Variants in ZNF280D observed in about 807,000 individuals in gnomAD.
ZNF280D encodes suppressor of hairy wing homolog 4.
ZNF280D carries 39 observed loss-of-function variants against 94.7 expected under a neutral mutation model. The observed-to-expected ratio is 0.41, with a 90% CI of 0.32 to 0.54. The LOEUF (loss-of-function observed/expected upper bound fraction) is 0.54, where lower values mean the gene tolerates loss of function less well. Among genes scored for constraint, ZNF280D ranks in the 20% least tolerant of loss-of-function variants. The pLI is 0.22. For synonymous variants in ZNF280D, 398 were observed against 377.6 expected (o/e 1.05, Z -0.63); for missense variants, 1,090 against 1,149.3 (o/e 0.95, Z 0.75).
intron 20 of ZNF280D, among the ~76,000 whole-genome samples, chr15:56,636,346 G>C (rs888273800): frequency 4.3e-4 from 65 of 152,072 alleles, no homozygotes; most frequent in African/African-American, 1.6e-3. Flanking sequence ...TTTGCAGGTG[G>C]TCAGTCTACT....
chr15:56,654,562 T>C, intron 17 of ZNF280D, 59 bp from the exon 18 acceptor site: 1 of 1,467,678 alleles, frequency 6.8e-7, no homozygotes, highest in Non-Finnish European at 9.2e-7. Flanking sequence ...ACTTATAAGT[T>C]TGATGATTAT....
At chr15:56,658,335 A>G in intron 17 of ZNF280D, 89 bp downstream of exon 17, 1 of 895,448 alleles carries the variant, frequency 1.1e-6, no homozygotes, top group Non-Finnish European at 1.8e-6. Flanking sequence ...TGGTATGCTA[A>G]TTCTACCTCA....
At chr15:56,642,917 T>C in intron 20 of ZNF280D, 35 bp downstream of exon 20, 2 of 1,427,870 alleles carry the variant, frequency 1.4e-6, no homozygotes, top group South Asian at 1.5e-5. Context: ...TTCAAATGTA[T>C]AAACCTTTAA....
chr15:56,733,326 TG>T, intron 1 of ZNF280D, 131 bp downstream of exon 1: 1 of 413,230 alleles, frequency 2.4e-6, no homozygotes, highest in Non-Finnish European at 3.3e-6. Flanking sequence ...CCCCGCGCTC[TG>T]GGCGCTCCCG....
chr15:56,642,738 T>G (rs1364119750), intron 20 of ZNF280D, among the ~76,000 whole-genome samples: 2 of 151,800 alleles, frequency 1.3e-5, no homozygotes, highest in Non-Finnish European at 3.0e-5. Flanking sequence ...AAATATAAGA[T>G]GTCTTTGTCA....
chr15:56,667,189 G>A (rs1458835363), intron 14 of ZNF280D, among the ~76,000 whole-genome samples: 1 of 152,098 alleles, frequency 6.6e-6, no homozygotes, highest in African/African-American at 2.4e-5. Context: ...TTACATTTTT[G>A]TATTGATATC....
rs752203695 is a variant in ZNF280D at position 56,682,460 on chromosome 15, C to G, written c.798G>C (p.Met266Ile). The G allele has an allele frequency of 8.4e-7, 1 of 1,188,436 alleles. No individual in the cohort carries two copies. The highest frequency in any genetic ancestry group is 2.8e-5 in the Admixed American group (1 of 35,206). 73.6% of individuals were successfully genotyped at this position (1,188,436 alleles called of 1,614,324 possible). ...KNHMKYCCPD[M>I]INNFLGLAKT... ...TAGCCAGTCCCAAAAAGTTATTTAT[C>G]ATGTCTGGACAACAATACTGAAAGA... The change falls in exon 10 of 22, where the codon ATG (methionine) becomes ATC (isoleucine). Residue 266 changes from methionine to isoleucine, a missense_variant. By Grantham distance (10) the Met-to-Ile change is conservative. Around this residue, in one of 3 missense-constraint regions of ZNF280D, gnomAD observed 386 missense variants for 372.0 expected, o/e 1.04. Coordinates refer to ENST00000267807, the MANE Select transcript of ZNF280D (RefSeq NM_017661.4).
At chr15:56,642,354 C>T (rs1454076831) in intron 20 of ZNF280D, among the ~76,000 whole-genome samples, 1 of 151,630 alleles carries the variant, frequency 6.6e-6, no homozygotes, top group Non-Finnish European at 1.5e-5. Flanking sequence ...TCAAATCTAC[C>T]TCACTTCATT....
rs1214414315 is a variant in ZNF280D at position 56,631,848 on chromosome 15, C to T, written c.2590G>A (p.Asp864Asn). The T allele has an allele frequency of 1.2e-6, 2 of 1,613,742 alleles. No individual in the cohort carries two copies. Among genetic ancestry groups the T allele is most frequent in the Non-Finnish European group, 1.7e-6 (2 of 1,180,014 alleles). The change falls in exon 22 of 22, where the codon GAT becomes AAT. Residue 864 changes from aspartate to asparagine, a missense_variant. Around this residue, in one of 3 missense-constraint regions of ZNF280D, gnomAD observed 577 missense variants for 568.8 expected, o/e 1.01. Transcript: ENST00000267807. ...CQSSENIILS[D>N]QIKDHNSSEA... Reference sequence around the variant, plus strand: ...CTGGAGTTGTGATCTTTAATCTGATCAGATAAGATTATGTTTTCTGAACTT... The same window carrying T: ...CTGGAGTTGTGATCTTTAATCTGATTAGATAAGATTATGTTTTCTGAACTT...
At chr15:56,694,720 A>G (rs1387264167) in intron 6 of ZNF280D, among the ~76,000 whole-genome samples, 1 of 152,208 alleles carries the variant, frequency 6.6e-6, no homozygotes, top group Non-Finnish European at 1.5e-5. Context: ...GAAAGAATGA[A>G]TAACTAGAAA....
At chr15:56,678,262 C>T (rs1303956683) in intron 11 of ZNF280D, among the ~76,000 whole-genome samples, 1 of 152,108 alleles carries the variant, frequency 6.6e-6, no homozygotes, top group Non-Finnish European at 1.5e-5. Context: ...CCCACATTGG[C>T]CTCCCAAAGT....
chr15:56,689,362 G>C lies in ZNF280D; in HGVS notation c.608C>G (p.Ser203Ter). The C allele has an allele frequency of 1.9e-6, 3 of 1,609,962 alleles. No homozygotes were observed. The highest frequency in any genetic ancestry group is 2.5e-6 in the Non-Finnish European group (3 of 1,178,038). Reference sequence around the variant, plus strand: ...AGATTTAACTGAAGGTAATACAGCTGAGGAATTTGCTCCAGAAACACTTTC... The same window carrying C: ...AGATTTAACTGAAGGTAATACAGCTCAGGAATTTGCTCCAGAAACACTTTC... ...PSESVSGANS[S>*]AVLPSVKSPS... The change falls in exon 8 of 22, where the codon TCA becomes TGA. Residue 203 changes from serine (S) to a stop codon, truncating the protein, a stop_gained. Coordinates refer to ENST00000267807, the MANE Select transcript of ZNF280D (RefSeq NM_017661.4). LOFTEE classifies it high-confidence loss of function.
chr15:56,688,369 T>C (rs1220702907), intron 9 of ZNF280D, among the ~76,000 whole-genome samples: 2 of 151,732 alleles, frequency 1.3e-5, no homozygotes, highest in African/African-American at 2.4e-5. Flanking sequence ...CGGGCGCCTG[T>C]AGTCCCAGCT....
chr15:56,647,951 G>A (rs533605915), intron 19 of ZNF280D, among the ~76,000 whole-genome samples: 1 of 152,286 alleles, frequency 6.6e-6, no homozygotes, highest in East Asian at 1.9e-4. Flanking sequence ...ACATCACAGT[G>A]TATTAGACTT....
intron 20 of ZNF280D, among the ~76,000 whole-genome samples, chr15:56,637,349 CA>C (rs1442732569): frequency 1.4e-4 from 4 of 29,582 alleles, no homozygotes; most frequent in East Asian, 8.3e-3. Flanking sequence ...TAGTTAAAAA[CA>C]TTTTTTTTTT....
chr15:56,731,760 G>A (rs1310472797), intron 1 of ZNF280D, among the ~76,000 whole-genome samples: 1 of 152,120 alleles, frequency 6.6e-6, no homozygotes, highest in South Asian at 2.1e-4. Flanking sequence ...GAGATAAGTG[G>A]AAAAATGCAA....
rs568190397 is a variant in ZNF280D at position 56,666,118 on chromosome 15, G to A, written c.1994+277C>T. Among the ~76,000 whole-genome samples the A allele has an allele frequency of 2.6e-5, 4 of 152,220 alleles. 1 individual carries two copies. Among genetic ancestry groups the A allele is most frequent in the South Asian group, 4.1e-4 (2 of 4,820 alleles). On this transcript the variant is annotated intron_variant, in intron 16 of 21. Coordinates refer to ENST00000267807, the MANE Select transcript of ZNF280D (RefSeq NM_017661.4). Reference sequence around the variant, plus strand: ...TGCACTCCAGCCTGGGCAACAGAGCGAGACTCCATCTCAAAAAAATAAAAA... The same window carrying A: ...TGCACTCCAGCCTGGGCAACAGAGCAAGACTCCATCTCAAAAAAATAAAAA...
At chr15:56,674,433 T>C (rs2055076010) in intron 13 of ZNF280D, among the ~76,000 whole-genome samples, 1 of 152,080 alleles carries the variant, frequency 6.6e-6, no homozygotes, top group South Asian at 2.1e-4. Flanking sequence ...TTTATAAGTA[T>C]ACTATATTGT....
intron 13 of ZNF280D, among the ~76,000 whole-genome samples, chr15:56,670,489 G>A (rs2054788390): frequency 6.6e-6 from 1 of 151,892 alleles, no homozygotes; most frequent in Non-Finnish European, 1.5e-5. Context: ...ATGGCCTCCA[G>A]CTCCATCCAT....
Sources: gnomAD v4.1 joint callset for allele counts (sites outside exome capture counted in the v4.1 genomes callset) on GRCh38, gnomAD v4.1.1 for gene constraint, gnomAD v4.1.1 regional missense constraint, MANE v1.5 for transcripts, NCBI Gene and HGNC (gene_info 2026-07-23, HGNC 2026-07-21) for gene names.